Variants in NRIP1 observed in about 807,000 individuals in gnomAD.
NRIP1 encodes the protein nuclear receptor interacting protein 1.
NRIP1 carries 28 observed loss-of-function variants against 75.0 expected under a neutral mutation model. That is an observed-to-expected ratio of 0.37 (90% CI 0.28 to 0.51). The LOEUF is 0.51. Ranked by LOEUF, NRIP1 falls within the 20% of genes least tolerant of loss-of-function variation. The pLI, the probability that NRIP1 is intolerant of heterozygous loss-of-function variation, is 0.92. For synonymous variants in NRIP1, 526 were observed against 487.6 expected (o/e 1.08, Z -1.04); for missense variants, 1,435 against 1,343.7 (o/e 1.07, Z -1.06).
Position 14,965,049 on chromosome 21 carries a change from A to G in NRIP1, c.3144T>C (p.Asp1048=). ...CTTTTTCATACTCATTCTTCTCCGCATCAGTGATAACCCACTTAATGGGTC... is the reference window on the plus strand; with the variant it reads ...CTTTTTCATACTCATTCTTCTCCGCGTCAGTGATAACCCACTTAATGGGTC... ...EKGPIKWVIT[D]AEKNEYEKDS... is the part of the protein sequence containing the mutation. The change falls in exon 4 of 4, where the codon GAT becomes GAC. Residue 1048 remains aspartate (D), a synonymous_variant. Transcript: ENST00000318948. 14 of 1,613,894 alleles carry G rather than the reference A, an allele frequency of 8.7e-6. No individual in the cohort carries two copies. The highest frequency in any genetic ancestry group is 3.3e-5 in the Admixed American group (2 of 59,988).
chr21:15,064,123 C>T (rs940691138), intron 1 of NRIP1, among the ~76,000 whole-genome samples: 1 of 152,254 alleles, frequency 6.6e-6, no homozygotes, highest in Non-Finnish European at 1.5e-5. Flanking sequence ...CCACCGGGCT[C>T]ACCCTAAATG....
At chr21:14,992,226 GTT>G (rs2087592701) in intron 3 of NRIP1, 1 of 152,082 alleles carries the variant, frequency 6.6e-6, no homozygotes, top group African/African-American at 2.4e-5. Context: ...TTGTTTGTTT[GTT>G]TATAGAGACG....
intron 2 of NRIP1, among the ~76,000 whole-genome samples, chr21:15,036,488 T>C (rs1481310417): frequency 6.6e-6 from 1 of 152,158 alleles, no homozygotes; most frequent in East Asian, 1.9e-4. Context: ...ATGCTGCTGA[T>C]TCTATGAAAC....
intron 1 of NRIP1, among the ~76,000 whole-genome samples, chr21:15,055,814 T>C (rs1216212505): frequency 1.3e-5 from 2 of 152,168 alleles, no homozygotes; most frequent in Non-Finnish European, 2.9e-5. Flanking sequence ...AAGGACTCAA[T>C]TTCTTCCTCC....
At chr21:15,014,712 A>G (rs2088185006) in intron 2 of NRIP1, among the ~76,000 whole-genome samples, 1 of 152,172 alleles carries the variant, frequency 6.6e-6, no homozygotes, top group African/African-American at 2.4e-5. Context: ...AAAAAGGTTT[A>G]TAGTTGCTAG....
chr21:15,060,418 A>C (rs1333043572), intron 1 of NRIP1, among the ~76,000 whole-genome samples: 1 of 152,128 alleles, frequency 6.6e-6, no homozygotes, highest in Non-Finnish European at 1.5e-5. Flanking sequence ...TAATGTGCTT[A>C]AATAAAGCAT....
chr21:14,974,158 A>AGCTCGG, intron 3 of NRIP1: 1 of 152,280 alleles, frequency 6.6e-6, no homozygotes, highest in Non-Finnish European at 1.5e-5. Context: ...TTTTCATAAG[A>AGCTCGG]ATTTAAACAT....
chr21:15,065,705 A>T (rs768104773), upstream of NRIP1: 4 of 152,328 alleles, frequency 2.6e-5, no homozygotes, highest in Non-Finnish European at 4.4e-5. Flanking sequence ...CGACTCTGGG[A>T]GGAAAACTAG....
chr21:14,966,475 A>AGAGAGTGTT lies in NRIP1; in HGVS notation c.1709_1717dup (p.Gln570_Ser572dup). The stretch of plus-strand genomic sequence containing the variant: ...TGGTGGGGAATTCCATTTGATGACC[A>AGAGAGTGTT]GAGAGTGTTGAGAGAGATTGATGGG... On this transcript the variant is annotated inframe_insertion, in exon 4 of 4. Transcript: ENST00000318948. 6.2e-7 allele frequency: 1 copy of AGAGAGTGTT among 1,614,134 alleles called. No individual in the cohort carries two copies. The highest frequency in any genetic ancestry group is 1.1e-5 in the South Asian group (1 of 91,086).
chr21:14,977,748 G>A (rs1393399162), intron 3 of NRIP1, among the ~76,000 whole-genome samples: 7 of 151,930 alleles, frequency 4.6e-5, no homozygotes, highest in Non-Finnish European at 8.8e-5. Context: ...TGTCTTTTAA[G>A]GGAATCTGAA....
At chr21:14,997,356 C>T (rs544526171) in intron 3 of NRIP1, among the ~76,000 whole-genome samples, 1 of 152,182 alleles carries the variant, frequency 6.6e-6, no homozygotes, top group South Asian at 2.1e-4. Flanking sequence ...TGATCACTGA[C>T]AAGTATGCAG....
chr21:15,055,760 C>T (rs1389322092), intron 1 of NRIP1, among the ~76,000 whole-genome samples: 1 of 152,140 alleles, frequency 6.6e-6, no homozygotes, highest in African/African-American at 2.4e-5. Context: ...CCTAGGTCTA[C>T]CCAACTGCTA....
intron 2 of NRIP1, among the ~76,000 whole-genome samples, chr21:15,031,168 T>C (rs534784263): frequency 1.4e-5 from 2 of 142,552 alleles, no homozygotes; most frequent in Admixed American, 7.0e-5. Flanking sequence ...TCCCTTTCTA[T>C]GTGTGTACAC....
At chr21:15,003,355 AC>A (rs2087891990) in intron 3 of NRIP1, among the ~76,000 whole-genome samples, 1 of 152,206 alleles carries the variant, frequency 6.6e-6, no homozygotes, top group Non-Finnish European at 1.5e-5. Flanking sequence ...CTGCTAAAAT[AC>A]ATGTGTCTCA....
chr21:14,993,741 T>C (rs1342487035), intron 3 of NRIP1, among the ~76,000 whole-genome samples: 1 of 151,472 alleles, frequency 6.6e-6, no homozygotes, highest in Admixed American at 6.6e-5. Context: ...GGTGAGATCA[T>C]GCCACTGTGC....
Position 15,064,757 on chromosome 21 carries a change from C to T in NRIP1, c.-550G>A, listed in dbSNP as rs969161016. On this transcript the variant is annotated 5_prime_UTR_variant, in exon 1 of 4. Transcript: ENST00000318948. ...GGCCGTCACTCACCCCAGGCCGCCG[C>T]GGCTCCCAGCCTCCGGCTCCGTCAG... 6.7e-6 allele frequency: 1 copy of T among 149,264 alleles called. No individual in the cohort carries two copies. The highest frequency in any genetic ancestry group is 1.5e-5 in the Non-Finnish European group (1 of 66,904). The allele number at this position is 149,264 out of a possible 1,614,324, so 9.2% of individuals were successfully genotyped here. A position where few individuals can be genotyped will look rare whatever the true frequency, so the allele number is the denominator to read the frequency against.
intron 3 of NRIP1, among the ~76,000 whole-genome samples, chr21:14,977,923 G>C (rs1174081710): frequency 6.6e-6 from 1 of 152,172 alleles, no homozygotes; most frequent in Non-Finnish European, 1.5e-5. Context: ...TCTCCCAGGG[G>C]TTCTCATTTT....
At chr21:15,023,853 T>C (rs1276182860) in intron 2 of NRIP1, among the ~76,000 whole-genome samples, 1 of 152,158 alleles carries the variant, frequency 6.6e-6, no homozygotes, top group Non-Finnish European at 1.5e-5. Flanking sequence ...GAAAAACAAA[T>C]TGATTGCTGG....
At chr21:15,021,122 C>G (rs375829519) in intron 2 of NRIP1, among the ~76,000 whole-genome samples, 1 of 152,088 alleles carries the variant, frequency 6.6e-6, no homozygotes. Flanking sequence ...ATGGTGATAT[C>G]AGCATCAATC....
Sources: allele counts gnomAD v4.1 joint callset (sites outside exome capture counted in the v4.1 genomes callset), GRCh38; gene constraint gnomAD v4.1.1; transcripts MANE v1.5; gene names NCBI Gene and HGNC (gene_info 2026-07-23, HGNC 2026-07-21).